The following ATP6V1G3 variants were observed in gnomAD, a reference collection of about 807,000 sequenced individuals.
The protein encoded by ATP6V1G3 is V-type proton ATPase subunit G 3.
ATP6V1G3 carries 9 observed loss-of-function variants against 9.3 expected under a neutral mutation model. The ratio of observed to expected loss-of-function variants is 0.97; its 90% CI spans 0.59 to 1.69. ATP6V1G3 has a LOEUF of 1.69. Ranked by LOEUF, ATP6V1G3 falls within the 40% of genes most tolerant of loss-of-function variation. ATP6V1G3 has a pLI of 0.00. For synonymous variants in ATP6V1G3, 43 were observed against 43.8 expected (o/e 0.98, Z 0.07); for missense variants, 133 against 139.0 (o/e 0.96, Z 0.22).
chr1:198,536,799 G>A, intron 1 of ATP6V1G3: 1 of 1,173,694 alleles, frequency 8.5e-7, no homozygotes. Context: ...ATTACTTACA[G>A]TAACATACAA....
At chr1:198,533,738 A>G (rs1660000237) in intron 1 of ATP6V1G3, among the ~76,000 whole-genome samples, 1 of 152,216 alleles carries the variant, frequency 6.6e-6, no homozygotes, top group Non-Finnish European at 1.5e-5. Context: ...CCTCAGAAGT[A>G]TCTGCTGATA....
chr1:198,536,651 A>G (rs533812807), intron 1 of ATP6V1G3: 2 of 1,556,510 alleles, frequency 1.3e-6, no homozygotes, highest in South Asian at 1.1e-5. Flanking sequence ...AATACAGGAA[A>G]GTATCTGAAC....
chr1:198,529,095 G>A lies in ATP6V1G3; in HGVS notation c.169C>T (p.Leu57=). 5.2e-6 allele frequency: 8 copies of A among 1,527,856 alleles called. No individual in the cohort carries two copies. The highest frequency in any genetic ancestry group is 7.1e-6 in the Non-Finnish European group (8 of 1,126,318). 94.6% of individuals were successfully genotyped at this position (1,527,856 alleles called of 1,614,324 possible). A position where few individuals can be genotyped will look rare whatever the true frequency, so the allele number is the denominator to read the frequency against. The change falls in exon 2 of 3, where the codon CTA becomes TTA. Residue 57 remains leucine, a synonymous_variant. Coordinates refer to ENST00000367382, the MANE Select transcript of ATP6V1G3 (RefSeq NM_001376861.1). ...YRMQRDKEFR[L]KQSKIMGSQN... Reference sequence around the variant, plus strand: ...TTCTTACTCACCTTAGATTGTTTTAGTCGAAACTCTTTATCTCTCTGCATT... The same window carrying A: ...TTCTTACTCACCTTAGATTGTTTTAATCGAAACTCTTTATCTCTCTGCATT...
chr1:198,536,304 A>G (rs888922339), intron 1 of ATP6V1G3, among the ~76,000 whole-genome samples: 2 of 152,202 alleles, frequency 1.3e-5, no homozygotes, highest in Admixed American at 1.3e-4. Context: ...TAAAAATGCA[A>G]CATATTTCAG....
Position 198,523,504 on chromosome 1 carries a change from G to T in ATP6V1G3, c.244C>A (p.Gln82Lys). 6.2e-7 allele frequency: 1 copy of T among 1,613,536 alleles called. No homozygotes were observed. Among genetic ancestry groups the T allele is most frequent in the Non-Finnish European group, 8.5e-7 (1 of 1,179,732 alleles). Residue 82 changes from glutamine (Q) to lysine (K), a missense_variant, in exon 3 of 3, where the codon CAA becomes AAA. Gln to Lys is a moderately conservative substitution (Grantham distance 53). Transcript: ENST00000367382. ...TTATTGTAGTGTCCATTAAGTTCTT[G>T]TATCTTCCCTAGTGTTTGTTCTTCT... is the stretch of plus-strand genomic sequence containing the variant. ...EIEEQTLGKI[Q>K]ELNGHYNKYM... is the part of the protein sequence containing the mutation.
chr1:198,539,297 GT>G (rs1275329809), intron 1 of ATP6V1G3, among the ~76,000 whole-genome samples: 1 of 152,118 alleles, frequency 6.6e-6, no homozygotes, highest in East Asian at 1.9e-4. Flanking sequence ...CATTCATTAC[GT>G]TTAAATAATT....
chr1:198,531,340 A>G (rs970070337), intron 1 of ATP6V1G3, among the ~76,000 whole-genome samples: 3 of 152,072 alleles, frequency 2.0e-5, no homozygotes, highest in Admixed American at 2.0e-4. Flanking sequence ...CTTCAAATCC[A>G]CTCATATTAA....
chr1:198,528,650 A>G (rs185999757), intron 2 of ATP6V1G3, among the ~76,000 whole-genome samples: 1 of 152,238 alleles, frequency 6.6e-6, no homozygotes, highest in Non-Finnish European at 1.5e-5. Flanking sequence ...GAAATTTGCA[A>G]CAATATCTAC....
rs1250368573 is a variant in ATP6V1G3, at chr1:198,523,466, A to C, written c.282T>G (p.Ser94Arg). Residue 94 changes from serine to arginine, a missense_variant, in exon 3 of 3, where the codon AGT (serine) becomes AGG (arginine). Physicochemically the swap from Ser to Arg is moderately radical, Grantham distance 110 (BLOSUM62 -1). Transcript: ENST00000367382. ...CCATGCTCAAGAGCTGGTTCATCAC[A>C]CTTTCCATATACTTATTGTAGTGTC... ...LNGHYNKYME[S>R]VMNQLLSMVC... The C allele has an allele frequency of 6.2e-7, 1 of 1,613,532 alleles. No homozygotes were observed. Among genetic ancestry groups the C allele is most frequent in the Non-Finnish European group, 8.5e-7 (1 of 1,179,792 alleles).
intron 1 of ATP6V1G3, among the ~76,000 whole-genome samples, chr1:198,539,770 T>A (rs1453061273): frequency 6.6e-6 from 1 of 152,246 alleles, no homozygotes; most frequent in African/African-American, 2.4e-5. Context: ...TTTCTATTTT[T>A]AAAATATAAC....
intron 1 of ATP6V1G3, among the ~76,000 whole-genome samples, chr1:198,534,641 A>C (rs1405035686): frequency 6.6e-6 from 1 of 152,232 alleles, no homozygotes; most frequent in African/African-American, 2.4e-5. Flanking sequence ...TGGTGAAAAT[A>C]GTAGGTATTG....
rs192161118 is a variant in ATP6V1G3 at position 198,527,004 on chromosome 1, T to C, written c.183+2077A>G. ...AATATTTGCTAACGTACAGCCCACA[T>C]TGGGATACCTGCTTCCGTTGATAAG... On this transcript the variant is annotated intron_variant, in intron 2 of 2. Transcript: ENST00000367382. 7.2e-5 allele frequency among the ~76,000 whole-genome samples: 11 copies of C among 152,284 alleles called. No homozygotes were observed. The East Asian group carries it at 1.2e-3, about 16-fold the overall frequency.
intron 1 of ATP6V1G3, among the ~76,000 whole-genome samples, chr1:198,529,980 T>G (rs1377159716): frequency 2.0e-5 from 3 of 152,154 alleles, no homozygotes; most frequent in Non-Finnish European, 4.4e-5. Context: ...CACATGACTT[T>G]TTTTGACAAC....
At chr1:198,527,816 A>G (rs1201994290) in intron 2 of ATP6V1G3, among the ~76,000 whole-genome samples, 1 of 152,204 alleles carries the variant, frequency 6.6e-6, no homozygotes, top group African/African-American at 2.4e-5. Context: ...ATATCAGATA[A>G]TGCTAAGTGC....
At chr1:198,533,292 A>T (rs1359592859) in intron 1 of ATP6V1G3, among the ~76,000 whole-genome samples, 4 of 147,856 alleles carry the variant, frequency 2.7e-5, no homozygotes. Context: ...ACAGAGTGAG[A>T]CTCTGTCTAA....
At chr1:198,526,306 AT>A (rs1236439887) in intron 2 of ATP6V1G3, among the ~76,000 whole-genome samples, 1 of 152,168 alleles carries the variant, frequency 6.6e-6, no homozygotes, top group East Asian at 1.9e-4. Flanking sequence ...TCCTTGATGT[AT>A]TATAAATGCC....
chr1:198,538,879 C>T (rs2103146663), intron 1 of ATP6V1G3, among the ~76,000 whole-genome samples: 1 of 114,030 alleles, frequency 8.8e-6, no homozygotes, highest in South Asian at 3.0e-4. Context: ...GGAACAGAAG[C>T]AGACCCTGTC....
At chr1:198,532,736 A>C (rs559411367) in intron 1 of ATP6V1G3, among the ~76,000 whole-genome samples, 3 of 152,272 alleles carry the variant, frequency 2.0e-5, no homozygotes, top group South Asian at 4.1e-4. Flanking sequence ...TCTTCCAGGC[A>C]GGGGGAAGGG....
intron 2 of ATP6V1G3, among the ~76,000 whole-genome samples, chr1:198,524,340 G>A (rs985015594): frequency 7.2e-5 from 11 of 151,950 alleles, no homozygotes; most frequent in Non-Finnish European, 1.5e-4. Context: ...GGCCAGGCTG[G>A]TCTCGAACTC....
Sources: gnomAD v4.1 joint callset for allele counts (sites outside exome capture counted in the v4.1 genomes callset) on GRCh38, gnomAD v4.1.1 for gene constraint, MANE v1.5 for transcripts, NCBI Gene and HGNC (gene_info 2026-07-23, HGNC 2026-07-21) for gene names.